ACYP2: variants seen among roughly 807,000 people sequenced by gnomAD.
The protein encoded by ACYP2 is acylphosphatase-2.
In ACYP2, 12 loss-of-function variants were observed where a neutral mutation model predicts 11.2. The observed-to-expected ratio is 1.08, with a 90% CI of 0.69 to 1.74. The LOEUF is 1.74. ACYP2 is among the 40% of genes most tolerant of loss of function. ACYP2 has a pLI of 0.00. For missense variants in ACYP2, 134 were observed against 101.9 expected, an observed-to-expected ratio of 1.31 and a Z score of -1.35; for synonymous variants, 43 against 32.2, an observed-to-expected ratio of 1.33 and a Z score of -1.13.
At chr2:54,248,314 T>C (rs1269177775) in intron 6 of ACYP2, among the ~76,000 whole-genome samples, 1 of 152,340 alleles carries the variant, frequency 6.6e-6, no homozygotes, top group Non-Finnish European at 1.5e-5. Context: ...TTATTATTTA[T>C]TGACCATATG....
At chr2:54,224,990 G>A (rs561779019) in intron 6 of ACYP2, among the ~76,000 whole-genome samples, 1 of 152,208 alleles carries the variant, frequency 6.6e-6, no homozygotes, top group Admixed American at 6.5e-5. Context: ...GGCTGGAAAT[G>A]AATAATCTTC....
intron 6 of ACYP2, chr2:54,255,989 G>C (rs1245097609): frequency 6.2e-7 from 1 of 1,614,168 alleles, no homozygotes; most frequent in African/African-American, 1.3e-5. Context: ...CCCTCCTCTG[G>C]AAGCCGGGGC....
At chr2:54,244,139 A>G (rs1213457319) in intron 6 of ACYP2, among the ~76,000 whole-genome samples, 1 of 152,046 alleles carries the variant, frequency 6.6e-6, no homozygotes, top group Non-Finnish European at 1.5e-5. Context: ...ACACCTCTCC[A>G]GTTTTCTCAA....
chr2:54,224,141 T>C (rs750498449), intron 6 of ACYP2, among the ~76,000 whole-genome samples: 1 of 152,154 alleles, frequency 6.6e-6, no homozygotes, highest in Admixed American at 6.5e-5. Flanking sequence ...TATTTTGATG[T>C]AGGATTTTTC....
chr2:53,976,608 A>G (rs183804867), intron 2 of ACYP2, among the ~76,000 whole-genome samples: 2 of 150,440 alleles, frequency 1.3e-5, no homozygotes, highest in East Asian at 2.0e-4. Flanking sequence ...GAACAAGAAT[A>G]TTAGATCTGG....
chr2:54,244,709 G>C (rs1359617683), intron 6 of ACYP2, among the ~76,000 whole-genome samples: 1 of 151,912 alleles, frequency 6.6e-6, no homozygotes, highest in Non-Finnish European at 1.5e-5. Context: ...CTCTTTTAGA[G>C]ATTTCTTTGA....
intron 6 of ACYP2, among the ~76,000 whole-genome samples, chr2:54,249,063 T>A (rs1189070018): frequency 6.6e-6 from 1 of 152,068 alleles, no homozygotes; most frequent in Non-Finnish European, 1.5e-5. Flanking sequence ...GGGGATTGGT[T>A]GTAGCTGATC....
At chr2:54,004,475 A>G (rs1672956608) in intron 2 of ACYP2, among the ~76,000 whole-genome samples, 1 of 136,222 alleles carries the variant, frequency 7.3e-6, no homozygotes, top group Admixed American at 8.4e-5. Context: ...CAGTGGCACG[A>G]TCTTGGCTCA....
At chr2:54,299,315 C>T (rs571772818) in intron 6 of ACYP2, among the ~76,000 whole-genome samples, 20 of 151,924 alleles carry the variant, frequency 1.3e-4, no homozygotes, top group African/African-American at 4.3e-4. Context: ...TAAGACTGGC[C>T]GGGCACGGTG....
intron 6 of ACYP2, among the ~76,000 whole-genome samples, chr2:54,163,129 A>T (rs1262661914): frequency 6.6e-6 from 1 of 152,226 alleles, no homozygotes; most frequent in Non-Finnish European, 1.5e-5. Flanking sequence ...TGCCTCTAAC[A>T]AACTCCCAAA....
intron 6 of ACYP2, among the ~76,000 whole-genome samples, chr2:54,222,288 G>A (rs965742395): frequency 6.6e-6 from 1 of 152,150 alleles, no homozygotes; most frequent in Admixed American, 6.5e-5. Context: ...GGTGGCTCAT[G>A]CCTGTAGTCC....
chr2:54,250,618 C>G (rs144744973), intron 6 of ACYP2, among the ~76,000 whole-genome samples: 258 of 152,262 alleles, frequency 1.7e-3, no homozygotes, highest in African/African-American at 6.0e-3. Context: ...ATATAAAAAG[C>G]CTAATTAAAT....
At chr2:54,234,241 C>T (rs1010251137) in intron 6 of ACYP2, among the ~76,000 whole-genome samples, 4 of 152,176 alleles carry the variant, frequency 2.6e-5, no homozygotes, top group African/African-American at 4.8e-5. Context: ...TCATTGTAAA[C>T]GGATTTTATC....
At chr2:54,256,381 A>G (rs1687536511) in intron 6 of ACYP2, 1 of 536,878 alleles carries the variant, frequency 1.9e-6, no homozygotes, top group Non-Finnish European at 3.4e-6. Flanking sequence ...GAGTAATGAT[A>G]TTACATGGTG....
chr2:54,106,631 G>C (rs2103710733), intron 4 of ACYP2, among the ~76,000 whole-genome samples: 1 of 152,252 alleles, frequency 6.6e-6, no homozygotes, highest in South Asian at 2.1e-4. Flanking sequence ...GCCCAGGCTG[G>C]AGGCTACAAT....
At chr2:54,283,422 A>G (rs532816677) in intron 6 of ACYP2, among the ~76,000 whole-genome samples, 18 of 152,256 alleles carry the variant, frequency 1.2e-4, no homozygotes, top group African/African-American at 4.1e-4. Context: ...CATGCTTTCC[A>G]TGCCCCAGGA....
In ACYP2 at chr2:54,220,135, T is replaced by C. The variant is rs147448506; in HGVS notation, c.404+81387T>C. Among the ~76,000 whole-genome samples, 702 of 151,996 alleles carry C rather than the reference T, an allele frequency of 4.6e-3. 4 individuals are homozygous for C. Among genetic ancestry groups the C allele is most frequent in the Non-Finnish European group, 8.0e-3 (542 of 67,964 alleles). The stretch of plus-strand genomic sequence containing the variant: ...TTGTTACATTTGAGGCCCTGAGTTA[T>C]AGAATAGTGAAGCTCTAGAAATAAA... On this transcript the variant is annotated intron_variant, in intron 6 of 6. Coordinates refer to ENST00000607452, the MANE Select transcript of ACYP2 (RefSeq NM_001320586.2).
intron 4 of ACYP2, among the ~76,000 whole-genome samples, chr2:54,122,410 C>T (rs1249460856): frequency 6.6e-6 from 1 of 152,152 alleles, no homozygotes; most frequent in Non-Finnish European, 1.5e-5. Context: ...AGTCTTTTAT[C>T]ACCAAAAGGG....
chr2:54,246,029 T>A (rs1393583729), intron 6 of ACYP2, among the ~76,000 whole-genome samples: 2 of 152,188 alleles, frequency 1.3e-5, no homozygotes, highest in Admixed American at 1.3e-4. Context: ...AGTTGATTTT[T>A]ATGTAGAGTG....
Sources: gnomAD v4.1 joint callset for allele counts (sites outside exome capture counted in the v4.1 genomes callset) on GRCh38, gnomAD v4.1.1 for gene constraint, MANE v1.5 for transcripts, NCBI Gene and HGNC (gene_info 2026-07-23, HGNC 2026-07-21) for gene names.